SAMD12: variants seen among roughly 807,000 people sequenced by gnomAD.
SAMD12 encodes sterile alpha motif domain containing 12, also known as sterile alpha motif domain-containing protein 12.
In SAMD12, 9 loss-of-function variants were observed where a neutral mutation model predicts 15.0. That is an observed-to-expected ratio of 0.60 (90% CI 0.36 to 1.05). The LOEUF (loss-of-function observed/expected upper bound fraction) is 1.05, where lower values mean the gene tolerates loss of function less well. Among genes scored for constraint, SAMD12 ranks in the 50% least tolerant of loss-of-function variants. The pLI, the probability that SAMD12 is intolerant of heterozygous loss-of-function variation, is 0.01. For synonymous variants in SAMD12, 86 were observed against 90.1 expected (o/e 0.96, Z 0.25); for missense variants, 230 against 234.2 (o/e 0.98, Z 0.12).
chr8:118,254,422 C>A (rs762982229), intron 4 of SAMD12, among the ~76,000 whole-genome samples: 2 of 152,098 alleles, frequency 1.3e-5, no homozygotes, highest in Non-Finnish European at 2.9e-5. Context: ...TTGATTCATG[C>A]CGCGTAGAAA....
chr8:118,522,260 T>A (rs1825412591), intron 2 of SAMD12, among the ~76,000 whole-genome samples: 1 of 151,828 alleles, frequency 6.6e-6, no homozygotes, highest in African/African-American at 2.4e-5. Flanking sequence ...TAGGATGAGC[T>A]AGAAGGATCC....
In SAMD12 at chr8:118,379,529, T is replaced by A. The variant is rs181262135; in HGVS notation, c.494A>T (p.Asp165Val). 2.5e-5 allele frequency: 40 copies of A among 1,613,810 alleles called. No individual in the cohort carries two copies. In the African/African-American group the frequency reaches 3.6e-4, roughly 15 times the overall value. The change falls in exon 4 of 4, where the codon GAT becomes GTT. Residue 165 changes from aspartate to valine, a missense_variant. Asp to Val is a radical substitution (Grantham distance 152). Transcript: ENST00000314727. ...GGTGGTCTTTCTTCTAATCTCCCCA[T>A]CCATCCACCCATCAGGAAGCAATAG... ...GTLLLPDGWM[D>V]GEIRRKTTLL... is the part of the protein sequence containing the mutation.
In SAMD12 at chr8:118,222,483, T is replaced by G. The variant is rs113937882; in HGVS notation, c.434-24751A>C. 3.3e-3 allele frequency among the ~76,000 whole-genome samples: 501 copies of G among 152,282 alleles called. 4 individuals are homozygous for G. The highest frequency in any genetic ancestry group is 0.012 in the African/African-American group (479 of 41,556). The stretch of plus-strand genomic sequence containing the variant: ...AATGATTTTATAATAATCTAAAATT[T>G]AAAAATGTGTGAGGAAGTGCTTTTT... On this transcript the variant is annotated intron_variant, in intron 4 of 4. Transcript: ENST00000409003.
chr8:118,312,572 TCTC>T (rs1290241146), intron 4 of SAMD12, among the ~76,000 whole-genome samples: 1 of 152,302 alleles, frequency 6.6e-6, no homozygotes, highest in East Asian at 1.9e-4. Context: ...GGTAGTCTTT[TCTC>T]CTCCTCATTT....
At chr8:118,235,749 T>C (rs1045103596) in intron 4 of SAMD12, among the ~76,000 whole-genome samples, 7 of 152,120 alleles carry the variant, frequency 4.6e-5, no homozygotes, top group Non-Finnish European at 8.8e-5. Flanking sequence ...TGGTGATTAG[T>C]GTCATGACAG....
chr8:118,518,743 G>A (rs1320595930), intron 2 of SAMD12, among the ~76,000 whole-genome samples: 1 of 152,096 alleles, frequency 6.6e-6, no homozygotes, highest in East Asian at 1.9e-4. Flanking sequence ...CTGACCTCCT[G>A]AAGAAAGCAT....
chr8:118,204,062 T>C (rs1819793099), intron 4 of SAMD12, among the ~76,000 whole-genome samples: 1 of 152,256 alleles, frequency 6.6e-6, no homozygotes, highest in Non-Finnish European at 1.5e-5. Context: ...TCCCCTCTTC[T>C]TCTCATCATT....
chr8:118,359,883 C>T (rs193231565), intron 4 of SAMD12, among the ~76,000 whole-genome samples: 89 of 152,246 alleles, frequency 5.8e-4, no homozygotes, highest in South Asian at 1.5e-3. Flanking sequence ...GGACCAATTC[C>T]GATAAAAACT....
At chr8:118,453,906 C>T (rs1354535714) in intron 2 of SAMD12, among the ~76,000 whole-genome samples, 2 of 151,974 alleles carry the variant, frequency 1.3e-5, no homozygotes, top group Non-Finnish European at 2.9e-5. Context: ...TATCTATTTA[C>T]CAAATTCCCT....
At chr8:118,545,339 C>A (rs1826094717) in intron 2 of SAMD12, among the ~76,000 whole-genome samples, 1 of 152,066 alleles carries the variant, frequency 6.6e-6, no homozygotes, top group Admixed American at 6.5e-5. Context: ...TAGTGGCAGG[C>A]ACCTGTAATC....
intron 3 of SAMD12, among the ~76,000 whole-genome samples, chr8:118,394,389 G>A (rs188866641): frequency 1.3e-5 from 2 of 152,292 alleles, no homozygotes; most frequent in East Asian, 3.9e-4. Flanking sequence ...ATACAAGGTG[G>A]CAAGTGCTAG....
chr8:118,286,976 T>A (rs2130212858), intron 4 of SAMD12, among the ~76,000 whole-genome samples: 1 of 152,314 alleles, frequency 6.6e-6, no homozygotes, highest in African/African-American at 2.4e-5. Flanking sequence ...CCTGCCTTGT[T>A]CTAGCACGTA....
At chr8:118,274,317 G>A (rs1315288659) in intron 4 of SAMD12, among the ~76,000 whole-genome samples, 1 of 152,148 alleles carries the variant, frequency 6.6e-6, no homozygotes. Flanking sequence ...ACTCTGTGAG[G>A]TTTCCTGCAT....
At chr8:118,396,394 T>A (rs140545926) in intron 3 of SAMD12, among the ~76,000 whole-genome samples, 1 of 152,306 alleles carries the variant, frequency 6.6e-6, no homozygotes, top group East Asian at 1.9e-4. Flanking sequence ...TAGGCTTCCA[T>A]TGTTACACCT....
intron 2 of SAMD12, among the ~76,000 whole-genome samples, chr8:118,453,991 A>T (rs1156370367): frequency 6.6e-6 from 1 of 152,136 alleles, no homozygotes; most frequent in Non-Finnish European, 1.5e-5. Context: ...ACCTGCTACA[A>T]AGGGGCCATT....
At chr8:118,162,399 G>T in the SAMD12 span, among the ~76,000 whole-genome samples, 1 of 151,466 alleles carries the variant, frequency 6.6e-6, no homozygotes, top group Non-Finnish European at 1.5e-5. Flanking sequence ...TGGCAGGAAA[G>T]AAAGGAAGAA....
the SAMD12 span, among the ~76,000 whole-genome samples, chr8:118,175,047 A>AC: frequency 1.1e-4 from 16 of 145,100 alleles, 1 homozygote; most frequent in Non-Finnish European, 1.9e-4. Context: ...AAAAAAAAAA[A>AC]CAAAAAAAAC....
chr8:118,390,261 G>A (rs1161973055), intron 3 of SAMD12, among the ~76,000 whole-genome samples: 1 of 152,128 alleles, frequency 6.6e-6, no homozygotes, highest in Non-Finnish European at 1.5e-5. Context: ...GCCTGCCTAA[G>A]CCTCCCAAAG....
the SAMD12 span, among the ~76,000 whole-genome samples, chr8:118,141,000 A>G: frequency 6.6e-6 from 1 of 152,238 alleles, no homozygotes; most frequent in Non-Finnish European, 1.5e-5. Flanking sequence ...TTTATCTGTC[A>G]TTGCAGCATA....
Sources: gnomAD v4.1 joint callset for allele counts (sites outside exome capture counted in the v4.1 genomes callset) on GRCh38, gnomAD v4.1.1 for gene constraint, MANE v1.5 for transcripts, NCBI Gene and HGNC (gene_info 2026-07-23, HGNC 2026-07-21) for gene names.